The following STAG1 variants were observed in gnomAD, a reference collection of about 807,000 sequenced individuals.
STAG1 encodes cohesin subunit SA-1.
A neutral mutation model predicts 170.9 loss-of-function variants in STAG1; 26 were observed. The observed-to-expected ratio is 0.15, with a 90% CI of 0.11 to 0.21. STAG1 has a LOEUF of 0.21. Ranked by LOEUF, STAG1 falls within the 10% of genes least tolerant of loss-of-function variation. The pLI is 1.00. For missense variants in STAG1, 964 were observed against 1,509.5 expected (o/e 0.64, Z 5.99); for synonymous variants, 514 against 497.7 (o/e 1.03, Z -0.44).
chr3:136,348,315 A>G (rs553524941), intron 29 of STAG1, among the ~76,000 whole-genome samples: 1 of 150,660 alleles, frequency 6.6e-6, no homozygotes, highest in Non-Finnish European at 1.5e-5. Context: ...TTTAACATAT[A>G]GGAATACCTA....
At chr3:136,559,285 A>G (rs539271449) in intron 5 of STAG1, among the ~76,000 whole-genome samples, 3 of 152,230 alleles carry the variant, frequency 2.0e-5, no homozygotes, top group Non-Finnish European at 4.4e-5. Context: ...CCCCAGATGC[A>G]GATACTAAAA....
rs545694412 is a variant in STAG1 at position 136,438,898 on chromosome 3, T to G, written c.1546+4389A>C. ...CACTAGAAATAACCAAAGAAGATTATCTAGTTAAAGTTTCTCAGCCAGGTG... is the reference window on the plus strand; with the variant it reads ...CACTAGAAATAACCAAAGAAGATTAGCTAGTTAAAGTTTCTCAGCCAGGTG... On this transcript the variant is annotated intron_variant, in intron 15 of 33. Coordinates refer to ENST00000383202, the MANE Select transcript of STAG1 (RefSeq NM_005862.3). Among the ~76,000 whole-genome samples, 97 of 152,114 alleles carry G rather than the reference T, an allele frequency of 6.4e-4. 1 individual carries two copies. In the South Asian group the frequency reaches 8.9e-3, roughly 14 times the overall value.
chr3:136,437,301 G>A (rs549583574), intron 15 of STAG1, among the ~76,000 whole-genome samples: 1 of 152,290 alleles, frequency 6.6e-6, no homozygotes, highest in South Asian at 2.1e-4. Flanking sequence ...TACCCTGAAC[G>A]GGGAGATAAG....
chr3:136,531,893 T>G (rs1379389353), intron 6 of STAG1, among the ~76,000 whole-genome samples: 2 of 134,120 alleles, frequency 1.5e-5, no homozygotes, highest in Non-Finnish European at 3.1e-5. Context: ...ACATGTACCC[T>G]AAAACTTAAA....
chr3:136,404,863 A>ATGTG (rs34596713), intron 21 of STAG1, among the ~76,000 whole-genome samples: 1,868 of 149,000 alleles, frequency 0.013, 17 homozygotes, highest in Admixed American at 0.023. Flanking sequence ...TTATGCATAT[A>ATGTG]TGTGTGTGTG....
At chr3:136,456,993 TA>T (rs1421808223) in intron 13 of STAG1, among the ~76,000 whole-genome samples, 2 of 152,306 alleles carry the variant, frequency 1.3e-5, no homozygotes, top group East Asian at 3.9e-4. Context: ...AGCTGCCTTA[TA>T]AAAAATGCCA....
chr3:136,419,832 C>G (rs1411600831), intron 20 of STAG1, among the ~76,000 whole-genome samples: 1 of 152,038 alleles, frequency 6.6e-6, no homozygotes, highest in Admixed American at 6.6e-5. Flanking sequence ...ATACCTGTAG[C>G]ACTCTAGTGA....
intron 5 of STAG1, among the ~76,000 whole-genome samples, chr3:136,557,518 G>A (rs2107746803): frequency 1.3e-5 from 2 of 152,252 alleles, no homozygotes; most frequent in South Asian, 2.1e-4. Context: ...TGACCACGGT[G>A]TAAATAATTT....
At chr3:136,477,218 A>G in intron 10 of STAG1, 71 bp downstream of exon 10, 1 of 1,486,122 alleles carries the variant, frequency 6.7e-7, no homozygotes, top group Non-Finnish European at 9.0e-7. Flanking sequence ...AACTACTGTC[A>G]TTTTGATTCC....
At chr3:136,450,126 G>A (rs2088895375) in intron 14 of STAG1, among the ~76,000 whole-genome samples, 1 of 151,914 alleles carries the variant, frequency 6.6e-6, no homozygotes, top group African/African-American at 2.4e-5. Flanking sequence ...ATATTTACGG[G>A]GTAGTTAGTG....
At chr3:136,683,775 C>A (rs1942422560) in intron 1 of STAG1, among the ~76,000 whole-genome samples, 1 of 152,168 alleles carries the variant, frequency 6.6e-6, no homozygotes, top group Admixed American at 6.5e-5. Context: ...TCCCAGGAGA[C>A]GAAATTGTCT....
chr3:136,616,284 G>C (rs1019390627), intron 3 of STAG1, among the ~76,000 whole-genome samples: 1 of 147,708 alleles, frequency 6.8e-6, no homozygotes, highest in Non-Finnish European at 1.5e-5. Flanking sequence ...AAAAAAAAAA[G>C]TCATCAGACC....
At chr3:136,748,605 ACG>A (rs1935070415) in intron 1 of STAG1, among the ~76,000 whole-genome samples, 1 of 26,474 alleles carries the variant, frequency 3.8e-5, no homozygotes, top group African/African-American at 2.0e-3. Context: ...CATGTCGGCC[ACG>A]GCCAAGCTGG....
In STAG1 at chr3:136,703,517, A is replaced by G. The variant is rs140667785; in HGVS notation, c.-84+48678T>C. ...GAGCTAAAGTGATTTATTGAGCGGC[A>G]TTGCTCAGTAAACATAAAACACAGA... On this transcript the variant is annotated intron_variant, in intron 1 of 33. Transcript: ENST00000383202. 9.2e-5 allele frequency among the ~76,000 whole-genome samples: 14 copies of G among 152,340 alleles called. No homozygotes were observed. In the East Asian group the frequency reaches 2.5e-3, roughly 27 times the overall value.
intron 1 of STAG1, among the ~76,000 whole-genome samples, chr3:136,715,418 A>T (rs1943513816): frequency 6.6e-6 from 1 of 151,292 alleles, no homozygotes; most frequent in Non-Finnish European, 1.5e-5. Context: ...CAGGACATGG[A>T]GATCACCCTG....
At chr3:136,644,118 T>C (rs1434806314) in intron 1 of STAG1, among the ~76,000 whole-genome samples, 2 of 152,142 alleles carry the variant, frequency 1.3e-5, no homozygotes, top group African/African-American at 4.8e-5. Flanking sequence ...GTCATGACAA[T>C]GTACTTTTAT....
At chr3:136,552,252 A>G (rs1375814818) in intron 5 of STAG1, among the ~76,000 whole-genome samples, 1 of 152,260 alleles carries the variant, frequency 6.6e-6, no homozygotes, top group Non-Finnish European at 1.5e-5. Flanking sequence ...CAAAAGCATC[A>G]AAGTTTCAAA....
intron 4 of STAG1, 76 bp from the exon 5 acceptor site, chr3:136,568,937 G>C (rs1937170752): frequency 1.3e-5 from 12 of 938,606 alleles, no homozygotes; most frequent in Non-Finnish European, 1.8e-5. Flanking sequence ...AAAAAAGTTT[G>C]TGTGTTTGTG....
intron 1 of STAG1, among the ~76,000 whole-genome samples, chr3:136,636,308 G>A (rs963132158): frequency 2.0e-5 from 3 of 151,550 alleles, no homozygotes; most frequent in African/African-American, 2.4e-5. Flanking sequence ...GACATACAAC[G>A]CAGGTGGTGG....
Sources: allele counts gnomAD v4.1 joint callset (sites outside exome capture counted in the v4.1 genomes callset), GRCh38; gene constraint gnomAD v4.1.1; transcripts MANE v1.5; gene names NCBI Gene and HGNC (gene_info 2026-07-23, HGNC 2026-07-21).